SPTLC2: variants seen among roughly 807,000 people sequenced by gnomAD.
The protein encoded by SPTLC2 is serine palmitoyltransferase 2.
Under a neutral mutation model 62.0 loss-of-function variants are expected in SPTLC2, and 21 were observed. That is an observed-to-expected ratio of 0.34 (90% CI 0.24 to 0.49). SPTLC2 has a LOEUF of 0.49. Ranked by LOEUF, SPTLC2 falls within the 20% of genes least tolerant of loss-of-function variation. The pLI is 0.99. For missense variants in SPTLC2, 511 were observed against 713.0 expected (o/e 0.72, Z 3.23); for synonymous variants, 261 against 261.8 (o/e 1.00, Z 0.03).
intron 1 of SPTLC2, among the ~76,000 whole-genome samples, chr14:77,613,052 A>G (rs176903): frequency 0.67 from 101,763 of 152,058 alleles, 34,199 homozygotes; most frequent in South Asian, 0.75. Context: ...TGTTAACGTG[A>G]AGTTTTAAAA....
intron 9 of SPTLC2, among the ~76,000 whole-genome samples, chr14:77,534,703 GGAGAACAT>G (rs1245579022): frequency 6.6e-6 from 1 of 151,118 alleles, no homozygotes; most frequent in Non-Finnish European, 1.5e-5. Flanking sequence ...CACAAAAAGG[GGAGAACAT>G]ATTGTGCACT....
intron 9 of SPTLC2, among the ~76,000 whole-genome samples, chr14:77,549,941 T>C (rs1280453233): frequency 6.6e-6 from 1 of 152,210 alleles, no homozygotes; most frequent in Admixed American, 6.5e-5. Flanking sequence ...CTTAGTCACC[T>C]AAACCTGTGT....
chr14:77,576,969 T>C lies in SPTLC2; in HGVS notation c.483-54A>G, dbSNP rs573950395. 27 of 1,602,348 alleles carry C rather than the reference T, an allele frequency of 1.7e-5. No individual in the cohort carries two copies. The East Asian group carries it at 1.8e-4, about 11-fold the overall frequency. ...ACTCATGAGCAAAAAAGTACTTACA[T>C]GTAATATTAAATGAACTGGTGACAC... is the stretch of plus-strand genomic sequence containing the variant. On this transcript the variant is annotated intron_variant, in intron 3 of 11. Coordinates refer to ENST00000216484, the MANE Select transcript of SPTLC2 (RefSeq NM_004863.4).
chr14:77,580,205 G>C (rs1390450554), intron 2 of SPTLC2, among the ~76,000 whole-genome samples: 2 of 152,068 alleles, frequency 1.3e-5, no homozygotes, highest in Non-Finnish European at 2.9e-5. Context: ...GGGTGTGGTA[G>C]CTCACACCTG....
intron 4 of SPTLC2, among the ~76,000 whole-genome samples, chr14:77,571,721 T>G (rs10151925): frequency 0.059 from 9,036 of 152,232 alleles, 294 homozygotes; most frequent in Middle Eastern, 0.13. Context: ...TACTTCTAAA[T>G]AGCAATAATA....
At chr14:77,523,350 C>T (rs2079393808) in intron 9 of SPTLC2, among the ~76,000 whole-genome samples, 2 of 152,156 alleles carry the variant, frequency 1.3e-5, no homozygotes, top group African/African-American at 4.8e-5. Context: ...CAGGCTGCTG[C>T]ACAGGGAAGG....
At position 77,584,007 on chromosome 14, in the gene SPTLC2, T is replaced by C. The variant is rs1245021158; in HGVS notation, c.328-4898A>G. Among the ~76,000 whole-genome samples, 3 of 152,296 alleles carry C rather than the reference T, an allele frequency of 2.0e-5. No homozygotes were observed. The East Asian group carries it at 5.8e-4, about 29-fold the overall frequency. ...AAATGCTGGATCACTGGGCTTGAAA[T>C]ACTCCTCACTTAAGAGCCTTCTCAA... On this transcript the variant is annotated intron_variant, in intron 2 of 11. Transcript: ENST00000216484.
At chr14:77,543,946 A>G (rs1475358582) in intron 9 of SPTLC2, among the ~76,000 whole-genome samples, 1 of 152,156 alleles carries the variant, frequency 6.6e-6, no homozygotes, top group East Asian at 1.9e-4. Context: ...TTCCTTTTTC[A>G]ATTACCATCA....
intron 5 of SPTLC2, among the ~76,000 whole-genome samples, chr14:77,569,049 T>A (rs4899658): frequency 0.56 from 85,592 of 151,962 alleles, 25,181 homozygotes; most frequent in East Asian, 0.91. Context: ...TAGGCATAAA[T>A]GGGATAAGCA....
At chr14:77,599,024 C>T (rs2079863537) in intron 1 of SPTLC2, among the ~76,000 whole-genome samples, 1 of 152,052 alleles carries the variant, frequency 6.6e-6, no homozygotes, top group Non-Finnish European at 1.5e-5. Flanking sequence ...ATTTTTCTGT[C>T]CCCCTTCATC....
At chr14:77,531,205 A>G (rs537830012) in intron 9 of SPTLC2, among the ~76,000 whole-genome samples, 1 of 152,298 alleles carries the variant, frequency 6.6e-6, no homozygotes, top group African/African-American at 2.4e-5. Flanking sequence ...TTTTGGGCAA[A>G]ACAGTTCTTC....
intron 1 of SPTLC2, among the ~76,000 whole-genome samples, chr14:77,602,564 T>C (rs868427525): frequency 3.9e-4 from 56 of 144,044 alleles, no homozygotes; most frequent in South Asian, 8.8e-4. Context: ...TTTTTTTTTT[T>C]CTATTGACAG....
intron 4 of SPTLC2, among the ~76,000 whole-genome samples, chr14:77,573,565 T>C (rs887667597): frequency 1.3e-5 from 2 of 152,004 alleles, no homozygotes; most frequent in African/African-American, 4.8e-5. Context: ...GCTAATGTCT[T>C]TATAGAAAGG....
chr14:77,600,536 A>C (rs1216796172), intron 1 of SPTLC2, among the ~76,000 whole-genome samples: 1 of 152,258 alleles, frequency 6.6e-6, no homozygotes, highest in Non-Finnish European at 1.5e-5. Flanking sequence ...ATAATCCATG[A>C]GGAAAAACAC....
intron 9 of SPTLC2, among the ~76,000 whole-genome samples, chr14:77,531,661 T>C (rs1347931107): frequency 1.3e-5 from 2 of 152,096 alleles, no homozygotes; most frequent in East Asian, 3.9e-4. Context: ...TTAAGGCAAG[T>C]GCCACCATGC....
rs908256791 is a variant in SPTLC2 at position 77,509,348 on chromosome 14, A to G, written c.*2936T>C. On this transcript the variant is annotated 3_prime_UTR_variant, in exon 12 of 12. Transcript: ENST00000216484. Reference sequence around the variant, plus strand: ...AGAAACCGCCACTGCTGCTTGGTCCACTCCTCATATGGGCTTTTGACATCT... The same window carrying G: ...AGAAACCGCCACTGCTGCTTGGTCCGCTCCTCATATGGGCTTTTGACATCT... 1 of 151,116 alleles carries G rather than the reference A, an allele frequency of 6.6e-6. No homozygotes were observed. Among genetic ancestry groups the G allele is most frequent in the African/African-American group, 2.4e-5 (1 of 41,250 alleles). 9.4% of individuals were successfully genotyped at this position (151,116 alleles called of 1,614,324 possible).
chr14:77,607,709 C>A (rs868550320), intron 1 of SPTLC2, among the ~76,000 whole-genome samples: 5 of 152,158 alleles, frequency 3.3e-5, no homozygotes, highest in African/African-American at 9.7e-5. Context: ...TTATTAGCTA[C>A]ACTTACATGG....
intron 1 of SPTLC2, among the ~76,000 whole-genome samples, chr14:77,615,195 A>G (rs1383061103): frequency 1.3e-5 from 2 of 152,256 alleles, no homozygotes; most frequent in Admixed American, 6.5e-5. Context: ...TTTCTTTAAA[A>G]GTGAAAACAA....
intron 9 of SPTLC2, chr14:77,547,663 G>C (rs763086343): frequency 9.2e-5 from 14 of 152,158 alleles, no homozygotes; most frequent in Non-Finnish European, 1.9e-4. Context: ...TAACCTGTTC[G>C]TTTCCAACCT....
Sources: allele counts gnomAD v4.1 joint callset (sites outside exome capture counted in the v4.1 genomes callset), GRCh38; gene constraint gnomAD v4.1.1; transcripts MANE v1.5; gene names NCBI Gene and HGNC (gene_info 2026-07-23, HGNC 2026-07-21).